Variants in CPLX2 observed in about 807,000 individuals in gnomAD.
The protein encoded by CPLX2 is complexin 2.
CPLX2 carries 5 observed loss-of-function variants against 16.3 expected under a neutral mutation model. The observed-to-expected ratio is 0.31, with a 90% CI of 0.16 to 0.64. The LOEUF (loss-of-function observed/expected upper bound fraction) is 0.64, where lower values mean the gene tolerates loss of function less well. Ranked by LOEUF, CPLX2 falls within the 30% of genes least tolerant of loss-of-function variation. The pLI is 0.79. For synonymous variants in CPLX2, 89 were observed against 73.2 expected (o/e 1.22, Z -1.10); for missense variants, 144 against 181.4 (o/e 0.79, Z 1.18).
rs568261401 is a variant in CPLX2, at chr5:175,814,753, C to T, written c.-89+5685C>T. On this transcript the variant is annotated intron_variant, in intron 2 of 4. Coordinates refer to the CPLX2 transcript ENST00000359546. ...CAGGAAAGGACCAGAGCCAAAGCTGCACAAGGGGTCTGGAAGCAGGACCTG... is the reference window on the plus strand; with the variant it reads ...CAGGAAAGGACCAGAGCCAAAGCTGTACAAGGGGTCTGGAAGCAGGACCTG... Among the ~76,000 whole-genome samples, 167 of 152,304 alleles carry T rather than the reference C, an allele frequency of 1.1e-3. 1 individual carries two copies. Among genetic ancestry groups the T allele is most frequent in the Admixed American group, 3.2e-3 (49 of 15,308 alleles).
At chr5:175,799,551 TA>T (rs1758051564) in intron 1 of CPLX2, among the ~76,000 whole-genome samples, 18 of 137,098 alleles carry the variant, frequency 1.3e-4, no homozygotes, top group South Asian at 4.7e-4. Flanking sequence ...TATATATATA[TA>T]TATATATATA....
chr5:175,833,831 G>A (rs1176647566), intron 2 of CPLX2, among the ~76,000 whole-genome samples: 5 of 152,142 alleles, frequency 3.3e-5, no homozygotes, highest in African/African-American at 7.2e-5. Flanking sequence ...CCGCAGGCTC[G>A]GCTGCTACCT....
chr5:175,836,180 C>T (rs1422192716), intron 2 of CPLX2, among the ~76,000 whole-genome samples: 1 of 152,056 alleles, frequency 6.6e-6, no homozygotes, highest in Admixed American at 6.5e-5. Context: ...GAAACCCCGT[C>T]TCTACTAAAA....
chr5:175,834,265 G>C (rs1407868153), intron 2 of CPLX2, among the ~76,000 whole-genome samples: 2 of 152,182 alleles, frequency 1.3e-5, no homozygotes, highest in South Asian at 2.1e-4. Context: ...CCCTGCATGC[G>C]AAAACTGCTC....
chr5:175,842,176 G>A (rs1758956188), intron 2 of CPLX2, among the ~76,000 whole-genome samples: 1 of 152,226 alleles, frequency 6.6e-6, no homozygotes, highest in East Asian at 1.9e-4. Flanking sequence ...ACAGCAGGCT[G>A]CCCAGAGCTG....
At chr5:175,821,770 A>G (rs931288319) in intron 2 of CPLX2, among the ~76,000 whole-genome samples, 1 of 152,198 alleles carries the variant, frequency 6.6e-6, no homozygotes, top group Non-Finnish European at 1.5e-5. Context: ...TTTTAAATGC[A>G]CTGAGCCCCT....
In CPLX2 at chr5:175,878,892, CA is replaced by C; in HGVS notation, c.32-15del. 6.2e-7 allele frequency: 1 copy of C among 1,611,720 alleles called. No homozygotes were observed. Among genetic ancestry groups the C allele is most frequent in the Non-Finnish European group, 8.5e-7 (1 of 1,178,942 alleles). On this transcript the variant is annotated splice_polypyrimidine_tract_variant and intron_variant, in intron 2 of 3. Coordinates refer to ENST00000393745, the MANE Select transcript of CPLX2 (RefSeq NM_001008220.2). Reference sequence around the variant, plus strand: ...CTAGCTGACCCCGCCCTCTCCTTCCCACCCCTTCCTCGTAGGGGCCACAAAG... The same window carrying C: ...CTAGCTGACCCCGCCCTCTCCTTCCCCCCCTTCCTCGTAGGGGCCACAAAG...
upstream of CPLX2, among the ~76,000 whole-genome samples, chr5:175,867,171 G>A (rs1759492916): frequency 6.6e-6 from 1 of 152,152 alleles, no homozygotes; most frequent in African/African-American, 2.4e-5. Context: ...TGCCTCTAGT[G>A]GGGGCAGAAT....
intron 2 of CPLX2, among the ~76,000 whole-genome samples, chr5:175,846,075 G>A (rs1759037003): frequency 1.3e-5 from 2 of 152,018 alleles, no homozygotes; most frequent in African/African-American, 2.4e-5. Context: ...CCTTCATTTT[G>A]AGGCTTGGCT....
chr5:175,862,226 C>T (rs1759386442), intron 2 of CPLX2, among the ~76,000 whole-genome samples: 1 of 152,218 alleles, frequency 6.6e-6, no homozygotes, highest in Non-Finnish European at 1.5e-5. Context: ...ACTCCCTCCT[C>T]TTCAGTGAGT....
chr5:175,860,567 AAGGG>A lies in CPLX2; in HGVS notation c.-88-18067_-88-18064del, dbSNP rs1186882233. On this transcript the variant is annotated intron_variant, in intron 2 of 4. Coordinates refer to the CPLX2 transcript ENST00000359546. ...TAGATAGAAAGAAAGAAAGAAAAAG[AAGGG>A]AGGGAGGGAGGGAGGGAAGGAAGGA... Among the ~76,000 whole-genome samples, 593 of 105,876 alleles carry A rather than the reference AAGGG, an allele frequency of 5.6e-3. 24 individuals are homozygous for A. In the East Asian group the frequency reaches 0.091, roughly 16 times the overall value. The allele number at this position is 105,876 out of a possible 152,430, so 69.5% of individuals were successfully genotyped here.
At chr5:175,865,983 A>G (rs1053569127) in intron 2 of CPLX2, among the ~76,000 whole-genome samples, 6 of 152,258 alleles carry the variant, frequency 3.9e-5, no homozygotes, top group South Asian at 2.1e-4. Context: ...GGTCTTTTGC[A>G]TGATTCTAGT....
intron 2 of CPLX2, among the ~76,000 whole-genome samples, chr5:175,855,102 G>A (rs1472823456): frequency 6.6e-6 from 1 of 152,210 alleles, no homozygotes; most frequent in East Asian, 1.9e-4. Flanking sequence ...CTTCTTTCCT[G>A]AGGACCTGGG....
chr5:175,843,920 T>A (rs1358541447), intron 2 of CPLX2, among the ~76,000 whole-genome samples: 1 of 152,160 alleles, frequency 6.6e-6, no homozygotes, highest in Non-Finnish European at 1.5e-5. Context: ...CAGCCCCACC[T>A]CTGAGACCTC....
chr5:175,878,035 C>T (rs906777711), intron 1 of CPLX2, among the ~76,000 whole-genome samples: 4 of 152,182 alleles, frequency 2.6e-5, no homozygotes, highest in East Asian at 3.8e-4. Flanking sequence ...AAAAATTACA[C>T]GTACATTACA....
chr5:175,841,184 C>T (rs373776776), intron 2 of CPLX2, among the ~76,000 whole-genome samples: 4 of 152,230 alleles, frequency 2.6e-5, no homozygotes, highest in African/African-American at 9.6e-5. Context: ...TACATACCCT[C>T]TGGTGAGCTT....
In CPLX2 at chr5:175,849,573, G is replaced by A. The variant is rs548415259; in HGVS notation, c.-88-29079G>A. 1.6e-4 allele frequency among the ~76,000 whole-genome samples: 25 copies of A among 152,300 alleles called. No homozygotes were observed. Among genetic ancestry groups the A allele is most frequent in the South Asian group, 6.2e-4 (3 of 4,828 alleles). On this transcript the variant is annotated intron_variant, in intron 2 of 4. Transcript: ENST00000359546. This position sits in a 1 kb window ranked among gnomAD's most constrained non-coding sequence, Gnocchi z 4.4. ...TCCCTGCACAAGGGGGTGCTACCAC[G>A]CTGGACAGGGGACCACACTGGCTGG...
chr5:175,880,053 T>C lies in CPLX2; in HGVS notation c.*8T>C. ...GACATGTTCAAGAAGTAACCAGGCC[T>C]CCTGCCCCAGCCTACTCCACCTGTT... On this transcript the variant is annotated 3_prime_UTR_variant, in exon 4 of 4. Transcript: ENST00000393745. The C allele has an allele frequency of 6.2e-6, 10 of 1,609,024 alleles. No homozygotes were observed. The highest frequency in any genetic ancestry group is 8.5e-6 in the Non-Finnish European group (10 of 1,177,650).
chr5:175,854,018 G>C (rs6860661), intron 2 of CPLX2, among the ~76,000 whole-genome samples: 105,044 of 152,066 alleles, frequency 0.69, 36,808 homozygotes, highest in East Asian at 0.95. Flanking sequence ...ATCAGCCTGG[G>C]AAAGTGGGCT....
Sources: gnomAD v4.1 joint callset for allele counts (sites outside exome capture counted in the v4.1 genomes callset) on GRCh38, gnomAD v4.1.1 for gene constraint, Gnocchi (gnomAD v3.1) non-coding constraint, MANE v1.5 for transcripts, NCBI Gene and HGNC (gene_info 2026-07-23, HGNC 2026-07-21) for gene names.